The following CDH12 variants were observed in gnomAD, a reference collection of about 807,000 sequenced individuals.
CDH12 encodes the protein cadherin-12.
A neutral mutation model predicts 74.1 loss-of-function variants in CDH12; 41 were observed. The ratio of observed to expected loss-of-function variants is 0.55; its 90% confidence interval spans 0.43 to 0.72. The LOEUF is 0.72. CDH12 is among the 30% of genes least tolerant of loss of function. The pLI is 0.00. For missense variants in CDH12, 945 were observed against 977.2 expected (o/e 0.97, Z 0.44); for synonymous variants, 399 against 355.0 (o/e 1.12, Z -1.39).
intron 3 of CDH12, among the ~76,000 whole-genome samples, chr5:22,292,135 C>T (rs1737414096): frequency 1.3e-5 from 2 of 152,052 alleles, no homozygotes; most frequent in Non-Finnish European, 1.5e-5. Flanking sequence ...TCTGGCAGCA[C>T]TAGATATCTG....
intron 3 of CDH12, among the ~76,000 whole-genome samples, chr5:22,316,018 G>A (rs1005070179): frequency 6.6e-6 from 1 of 151,656 alleles, no homozygotes; most frequent in Non-Finnish European, 1.5e-5. Flanking sequence ...TTCTAAGTAG[G>A]AATAAAAAAG....
chr5:22,327,693 A>T (rs1172090936), intron 3 of CDH12, among the ~76,000 whole-genome samples: 1 of 152,022 alleles, frequency 6.6e-6, no homozygotes, highest in Non-Finnish European at 1.5e-5. Flanking sequence ...AGTTCTAAAA[A>T]CCTGTAACTC....
intron 3 of CDH12, among the ~76,000 whole-genome samples, chr5:22,365,167 T>C (rs910086424): frequency 1.3e-5 from 2 of 152,178 alleles, no homozygotes; most frequent in Non-Finnish European, 2.9e-5. Context: ...AGTGACTAAA[T>C]TTCTAAGGGT....
At chr5:21,800,144 TTTCACAGCTGGAGA>T (rs924832193) in intron 10 of CDH12, among the ~76,000 whole-genome samples, 1 of 152,158 alleles carries the variant, frequency 6.6e-6, no homozygotes, top group Non-Finnish European at 1.5e-5. Flanking sequence ...ATTTATTTGG[TTTCACAGCTGGAGA>T]TTCACAGCTG....
At chr5:21,757,278 C>T (rs974293073) in intron 13 of CDH12, among the ~76,000 whole-genome samples, 12 of 152,150 alleles carry the variant, frequency 7.9e-5, no homozygotes, top group African/African-American at 2.4e-4. Context: ...TGGGTTCAAG[C>T]GATTCTCCTG....
chr5:22,412,741 C>T (rs572830567), intron 2 of CDH12, among the ~76,000 whole-genome samples: 7 of 151,866 alleles, frequency 4.6e-5, no homozygotes, highest in Non-Finnish European at 1.0e-4. Context: ...TCTGTATAAA[C>T]AAGCATCCAT....
chr5:22,772,328 G>C (rs1033862154), intron 1 of CDH12, among the ~76,000 whole-genome samples: 1 of 151,976 alleles, frequency 6.6e-6, no homozygotes, highest in Non-Finnish European at 1.5e-5. Flanking sequence ...TGACAAGAAG[G>C]TGTCCTATGA....
At chr5:22,678,634 A>G (rs1741334659) in intron 1 of CDH12, among the ~76,000 whole-genome samples, 1 of 152,156 alleles carries the variant, frequency 6.6e-6, no homozygotes, top group Non-Finnish European at 1.5e-5. Context: ...TTAGTAATAG[A>G]AGGCAGTAAT....
chr5:22,536,760 T>C (rs1015671331), intron 1 of CDH12, among the ~76,000 whole-genome samples: 2 of 152,214 alleles, frequency 1.3e-5, no homozygotes, highest in African/African-American at 4.8e-5. Context: ...TAGAGGACCA[T>C]GAACTATTTT....
At chr5:22,741,968 G>GT (rs1413024024) in intron 1 of CDH12, among the ~76,000 whole-genome samples, 1 of 152,146 alleles carries the variant, frequency 6.6e-6, no homozygotes, top group Non-Finnish European at 1.5e-5. Context: ...ATCACCTGAG[G>GT]TCAGGAGTTC....
rs1746570939 is a variant in CDH12 at position 22,138,245 on chromosome 5, CA to C, written c.-186-59384del. On this transcript the variant is annotated intron_variant, in intron 4 of 14. Transcript: ENST00000382254. ...ATTTTAGTGTTGCAGCTTGGCTCAG[CA>C]ATTTTGAAGATTTAGGTTCTGAAAG... Among the ~76,000 whole-genome samples the C allele has an allele frequency of 5.9e-5, 9 of 151,936 alleles. No individual in the cohort carries two copies. The South Asian group carries it at 1.9e-3, about 32-fold the overall frequency.
intron 1 of CDH12, among the ~76,000 whole-genome samples, chr5:22,739,473 TA>T (rs1744912483): frequency 6.6e-6 from 1 of 152,016 alleles, no homozygotes; most frequent in Non-Finnish European, 1.5e-5. Context: ...AGGAGAAGAC[TA>T]AAATATTCCC....
rs930007343 is a variant in CDH12, at chr5:22,470,627, C to T, written c.-428+34643G>A. ...GTAGAGATAAGGTCTTGCTATGTTT[C>T]CCAGGCTGTTGTTGAACTCCCAGTG... is the stretch of plus-strand genomic sequence containing the variant. On this transcript the variant is annotated intron_variant, in intron 2 of 14. Transcript: ENST00000382254. Among the ~76,000 whole-genome samples the T allele has an allele frequency of 7.2e-5, 11 of 151,934 alleles. No individual in the cohort carries two copies. In the East Asian group the frequency reaches 2.1e-3, roughly 29 times the overall value.
chr5:22,243,751 G>A (rs867451877), intron 3 of CDH12, among the ~76,000 whole-genome samples: 2 of 152,162 alleles, frequency 1.3e-5, no homozygotes, highest in East Asian at 1.9e-4. Flanking sequence ...TTTGAGGAAC[G>A]AAATCCTGAC....
intron 3 of CDH12, among the ~76,000 whole-genome samples, chr5:22,355,356 A>C (rs1277774262): frequency 6.6e-6 from 1 of 152,026 alleles, no homozygotes; most frequent in Admixed American, 6.6e-5. Flanking sequence ...CAAAATTGTC[A>C]ACTAGGAACA....
chr5:22,364,195 T>G (rs868433483), intron 3 of CDH12, among the ~76,000 whole-genome samples: 10 of 152,330 alleles, frequency 6.6e-5, no homozygotes, highest in Middle Eastern at 6.8e-3. Flanking sequence ...CATATCGTTT[T>G]GTCTTGTTTT....
intron 5 of CDH12, among the ~76,000 whole-genome samples, chr5:21,980,718 C>T (rs56733377): frequency 0.019 from 2,897 of 152,068 alleles, 99 homozygotes; most frequent in African/African-American, 0.066. Context: ...AATCAGAAAA[C>T]GGGGAAAATC....
chr5:22,627,496 A>T (rs1738360628), intron 1 of CDH12, among the ~76,000 whole-genome samples: 1 of 152,040 alleles, frequency 6.6e-6, no homozygotes, highest in Non-Finnish European at 1.5e-5. Context: ...AGCCAAACTA[A>T]GTTTTATAAA....
chr5:22,528,431 C>A (rs1039584188), intron 1 of CDH12, among the ~76,000 whole-genome samples: 1 of 152,096 alleles, frequency 6.6e-6, no homozygotes, highest in African/African-American at 2.4e-5. Context: ...TGAATACCCT[C>A]CTTTTAACAT....
Sources: gnomAD v4.1 joint callset for allele counts (sites outside exome capture counted in the v4.1 genomes callset) on GRCh38, gnomAD v4.1.1 for gene constraint, MANE v1.5 for transcripts, NCBI Gene and HGNC (gene_info 2026-07-23, HGNC 2026-07-21) for gene names.